The following ARHGAP31 variants were observed in gnomAD, a reference collection of about 807,000 sequenced individuals.
The protein encoded by ARHGAP31 is rho GTPase-activating protein 31.
In ARHGAP31, 34 loss-of-function variants were observed where a neutral mutation model predicts 113.9. The observed-to-expected ratio is 0.30, with a 90% CI of 0.23 to 0.40. The LOEUF is 0.40. ARHGAP31 is among the 10% of genes least tolerant of loss of function. The probability of loss-of-function intolerance (pLI) is 1.00; values close to 1 mark genes in which losing one functional copy is unlikely to be tolerated. For missense variants in ARHGAP31, 1,548 were observed against 1,767.1 expected, an observed-to-expected ratio of 0.88 and a Z score of 2.22; for synonymous variants, 650 against 684.8, an observed-to-expected ratio of 0.95 and a Z score of 0.79.
chr3:119,402,403 T>C lies in ARHGAP31; in HGVS notation c.1645+6T>C, dbSNP rs1559994162. On this transcript the variant is annotated splice_donor_region_variant and intron_variant, in intron 10 of 11. Coordinates refer to ENST00000264245, the MANE Select transcript of ARHGAP31 (RefSeq NM_020754.4). ...GGGAGCTGAGACTTCTGCAGGTAAGTAGAGGAGAGAGGGTATCTTTCCGTT... is the reference window on the plus strand; with the variant it reads ...GGGAGCTGAGACTTCTGCAGGTAAGCAGAGGAGAGAGGGTATCTTTCCGTT... 2 of 1,611,804 alleles carry C rather than the reference T, an allele frequency of 1.2e-6. No homozygotes were observed. The highest frequency in any genetic ancestry group is 1.7e-6 in the Non-Finnish European group (2 of 1,178,910).
chr3:119,331,638 C>G (rs575206598), intron 1 of ARHGAP31, among the ~76,000 whole-genome samples: 1 of 152,202 alleles, frequency 6.6e-6, no homozygotes, highest in South Asian at 2.1e-4. Context: ...CTCCAAGAGC[C>G]CTAAATTCAC....
chr3:119,302,544 A>G (rs2079593630), intron 1 of ARHGAP31, among the ~76,000 whole-genome samples: 1 of 152,188 alleles, frequency 6.6e-6, no homozygotes, highest in African/African-American at 2.4e-5. Context: ...AGTAAGTGCT[A>G]CTTATCTGTG....
chr3:119,371,377 A>C (rs1007496066), intron 3 of ARHGAP31, among the ~76,000 whole-genome samples: 3 of 152,222 alleles, frequency 2.0e-5, no homozygotes, highest in Non-Finnish European at 4.4e-5. Flanking sequence ...GCAGCTTGTC[A>C]ACCTGTCTTC....
chr3:119,342,969 G>A (rs1240579545), intron 1 of ARHGAP31, among the ~76,000 whole-genome samples: 1 of 151,342 alleles, frequency 6.6e-6, no homozygotes, highest in Non-Finnish European at 1.5e-5. Flanking sequence ...AAATAAAAAA[G>A]GACAAATACA....
chr3:119,378,304 C>A (rs533275124), intron 3 of ARHGAP31, among the ~76,000 whole-genome samples: 2 of 152,148 alleles, frequency 1.3e-5, no homozygotes, highest in East Asian at 3.9e-4. Context: ...TGGCCGGGCC[C>A]CTCCAGAAGG....
At chr3:119,343,643 C>T (rs2080029739) in intron 1 of ARHGAP31, among the ~76,000 whole-genome samples, 1 of 152,180 alleles carries the variant, frequency 6.6e-6, no homozygotes, top group South Asian at 2.1e-4. Context: ...GGAGCAGAGC[C>T]ACCAGGAGGT....
At chr3:119,306,464 C>T (rs575209738) in intron 1 of ARHGAP31, among the ~76,000 whole-genome samples, 2 of 152,076 alleles carry the variant, frequency 1.3e-5, no homozygotes, top group Non-Finnish European at 2.9e-5. Context: ...GGCTGAGGCA[C>T]GAGAATTGCT....
rs1395403402 is a variant in ARHGAP31 at position 119,416,292 on chromosome 3, AAAAC to A, written c.*29_*32del. The A allele has an allele frequency of 1.9e-6, 3 of 1,610,904 alleles. No individual in the cohort carries two copies. The highest frequency in any genetic ancestry group is 1.7e-5 in the Admixed American group (1 of 60,032). ...TCGGTTCACCTGCTGGTGTCTGAAAAAAACCGTGATTCATCTGGAAGTTATTACA... is the reference window on the plus strand; with the variant it reads ...TCGGTTCACCTGCTGGTGTCTGAAAACGTGATTCATCTGGAAGTTATTACA... On this transcript the variant is annotated 3_prime_UTR_variant, in exon 12 of 12. Coordinates refer to ENST00000264245, the MANE Select transcript of ARHGAP31 (RefSeq NM_020754.4).
rs1206452080 is a variant in ARHGAP31, at chr3:119,344,462, G to T, written c.101-20854G>T. 1.3e-5 allele frequency among the ~76,000 whole-genome samples: 2 copies of T among 152,268 alleles called. 1 individual carries two copies. The highest frequency in any genetic ancestry group is 4.1e-4 in the South Asian group (2 of 4,824). On this transcript the variant is annotated intron_variant, in intron 1 of 11. Transcript: ENST00000264245. ...TGCAGGGCATGGTGCTGGGTGCTAGGAATACAGAGGTGTACAACAGCCCCT... is the reference window on the plus strand; with the variant it reads ...TGCAGGGCATGGTGCTGGGTGCTAGTAATACAGAGGTGTACAACAGCCCCT...
chr3:119,336,580 C>T (rs2079950210), intron 1 of ARHGAP31, among the ~76,000 whole-genome samples: 1 of 152,306 alleles, frequency 6.6e-6, no homozygotes, highest in South Asian at 2.1e-4. Context: ...TATTCCTCCC[C>T]ACAAAATATT....
intron 1 of ARHGAP31, among the ~76,000 whole-genome samples, chr3:119,334,025 C>T (rs977427747): frequency 6.6e-6 from 1 of 152,158 alleles, no homozygotes; most frequent in African/African-American, 2.4e-5. Flanking sequence ...AAGGATATGA[C>T]CCAGATGTGC....
chr3:119,325,919 G>A (rs1429505728), intron 1 of ARHGAP31, among the ~76,000 whole-genome samples: 1 of 152,210 alleles, frequency 6.6e-6, no homozygotes, highest in African/African-American at 2.4e-5. Flanking sequence ...GGCTGGGCAC[G>A]GTGGCTCACG....
chr3:119,347,099 T>A (rs1490357933), intron 1 of ARHGAP31, among the ~76,000 whole-genome samples: 14 of 152,004 alleles, frequency 9.2e-5, no homozygotes, highest in Admixed American at 9.2e-4. Context: ...CACTTTGTCA[T>A]CCCTTCAAAG....
In ARHGAP31 at chr3:119,342,381, A is replaced by G. The variant is rs142939532; in HGVS notation, c.101-22935A>G. 2.6e-3 allele frequency among the ~76,000 whole-genome samples: 395 copies of G among 152,322 alleles called. 5 individuals carry two copies. The highest frequency in any genetic ancestry group is 8.9e-3 in the African/African-American group (372 of 41,574). ...ATCAAAAGAAAAAATAAATTTCTCA[A>G]TGGAATACTCAGGGCTATGCAGAGA... On this transcript the variant is annotated intron_variant, in intron 1 of 11. Coordinates refer to ENST00000264245, the MANE Select transcript of ARHGAP31 (RefSeq NM_020754.4).
In ARHGAP31 at chr3:119,402,072, T is replaced by A. The variant is rs891018407; in HGVS notation, c.1320T>A (p.Asp440Glu). ...TGAAGGTTTTCCGGCCTGTTGAGGATCCGGAGAGCGAGCAAACAGCCCCAA... is the reference window on the plus strand; with the variant it reads ...TGAAGGTTTTCCGGCCTGTTGAGGAACCGGAGAGCGAGCAAACAGCCCCAA... ...EQLKVFRPVE[D>E]PESEQTAPKM... The change falls in exon 10 of 12, where the codon GAT becomes GAA. Residue 440 changes from aspartate to glutamate, a missense_variant. Physicochemically the swap from Asp to Glu is conservative, Grantham distance 45. Coordinates refer to ENST00000264245, the MANE Select transcript of ARHGAP31 (RefSeq NM_020754.4). 5.0e-6 allele frequency: 8 copies of A among 1,614,156 alleles called. No homozygotes were observed. The highest frequency in any genetic ancestry group is 6.8e-6 in the Non-Finnish European group (8 of 1,180,032).
At chr3:119,332,602 C>G (rs558116359) in intron 1 of ARHGAP31, among the ~76,000 whole-genome samples, 125 of 132,472 alleles carry the variant, frequency 9.4e-4, no homozygotes, top group African/African-American at 3.9e-3. Flanking sequence ...CTCTCTCTCT[C>G]TTTCTCTCTC....
At chr3:119,405,707 A>G (rs138287041) in intron 10 of ARHGAP31, among the ~76,000 whole-genome samples, 15 of 152,340 alleles carry the variant, frequency 9.8e-5, no homozygotes, top group African/African-American at 3.6e-4. Flanking sequence ...CTCTGCCTCT[A>G]TGGTCACCCG....
intron 1 of ARHGAP31, among the ~76,000 whole-genome samples, chr3:119,349,870 T>C (rs2080096054): frequency 6.6e-6 from 1 of 152,174 alleles, no homozygotes; most frequent in Non-Finnish European, 1.5e-5. Context: ...GAATGCTTTC[T>C]GGGCAGGCTT....
chr3:119,313,536 C>A (rs1211440838), intron 1 of ARHGAP31, among the ~76,000 whole-genome samples: 2 of 152,208 alleles, frequency 1.3e-5, no homozygotes, highest in African/African-American at 2.4e-5. Context: ...AATTTGCTAG[C>A]CCACATACTT....
Sources: gnomAD v4.1 joint callset for allele counts (sites outside exome capture counted in the v4.1 genomes callset) on GRCh38, gnomAD v4.1.1 for gene constraint, MANE v1.5 for transcripts, NCBI Gene and HGNC (gene_info 2026-07-23, HGNC 2026-07-21) for gene names.